Variants in SDK1 observed in about 807,000 individuals in gnomAD.
The protein encoded by SDK1 is protein sidekick-1.
A neutral mutation model predicts 245.5 loss-of-function variants in SDK1; 157 were observed. The ratio of observed to expected loss-of-function variants is 0.64; its 90% CI spans 0.56 to 0.73. SDK1 has a LOEUF of 0.73. Among genes scored for constraint, SDK1 ranks in the 30% least tolerant of loss-of-function variants. The pLI is 0.00. For synonymous variants in SDK1, 1,647 were observed against 1,278.5 expected, an observed-to-expected ratio of 1.29 and a Z score of -6.15; for missense variants, 3,583 against 3,002.3, an observed-to-expected ratio of 1.19 and a Z score of -4.52.
intron 4 of SDK1, among the ~76,000 whole-genome samples, chr7:3,712,515 A>C (rs1400028716): frequency 1.3e-5 from 2 of 152,168 alleles, no homozygotes; most frequent in Non-Finnish European, 2.9e-5. Context: ...ATCATTCCAA[A>C]ACCATCCCCC....
chr7:4,006,969 T>G (rs1279159760), intron 14 of SDK1, among the ~76,000 whole-genome samples: 1 of 152,242 alleles, frequency 6.6e-6, no homozygotes, highest in African/African-American at 2.4e-5. Flanking sequence ...GCAGTCTGAT[T>G]AATCGCCTCA....
At chr7:3,774,334 G>C (rs1780489265) in intron 4 of SDK1, among the ~76,000 whole-genome samples, 1 of 152,018 alleles carries the variant, frequency 6.6e-6, no homozygotes, top group South Asian at 2.1e-4. Context: ...TGGCCTCTTT[G>C]TCTGCACCTC....
intron 1 of SDK1, among the ~76,000 whole-genome samples, chr7:3,332,633 G>C (rs1199167602): frequency 6.6e-6 from 1 of 152,040 alleles, no homozygotes; most frequent in East Asian, 1.9e-4. Context: ...CTAGGCCCTA[G>C]AAAGGCTCTG....
At chr7:3,353,043 C>T (rs1583728168) in intron 1 of SDK1, among the ~76,000 whole-genome samples, 1 of 152,178 alleles carries the variant, frequency 6.6e-6, no homozygotes, top group African/African-American at 2.4e-5. Flanking sequence ...CCCACCGTGT[C>T]ATTAGTTCTT....
chr7:3,850,620 G>A (rs543359302), intron 5 of SDK1, among the ~76,000 whole-genome samples: 62 of 152,150 alleles, frequency 4.1e-4, no homozygotes, highest in Non-Finnish European at 8.8e-4. Context: ...ATGTCCATCA[G>A]TGATAGACTG....
At chr7:3,967,195 C>T in intron 9 of SDK1, 123 bp from the exon 10 acceptor site, 1 of 752,904 alleles carries the variant, frequency 1.3e-6, no homozygotes, top group East Asian at 2.5e-5. Flanking sequence ...AACAGTATTC[C>T]TTTTGTATTG....
chr7:4,055,679 G>A (rs967567655), intron 19 of SDK1, among the ~76,000 whole-genome samples: 9 of 151,706 alleles, frequency 5.9e-5, no homozygotes, highest in Non-Finnish European at 1.3e-4. Context: ...TGCTTTGAGT[G>A]TATTTTGCTC....
At chr7:4,054,746 T>A (rs1479958376) in intron 19 of SDK1, among the ~76,000 whole-genome samples, 2 of 152,204 alleles carry the variant, frequency 1.3e-5, no homozygotes, top group South Asian at 2.1e-4. Flanking sequence ...GTTAAGGATT[T>A]TTTTTTTTAA....
At chr7:4,232,068 A>G (rs1263513633) in intron 40 of SDK1, among the ~76,000 whole-genome samples, 3 of 144,884 alleles carry the variant, frequency 2.1e-5, no homozygotes, top group Non-Finnish European at 3.0e-5. Context: ...TTTTTTAACC[A>G]AACAGCCTCC....
At chr7:3,713,968 G>C (rs1177225927) in intron 4 of SDK1, among the ~76,000 whole-genome samples, 1 of 152,188 alleles carries the variant, frequency 6.6e-6, no homozygotes, top group Non-Finnish European at 1.5e-5. Flanking sequence ...GAGCACCTCA[G>C]ACCCTAATTC....
intron 5 of SDK1, among the ~76,000 whole-genome samples, chr7:3,901,779 A>G (rs975909059): frequency 6.6e-6 from 1 of 152,136 alleles, no homozygotes; most frequent in African/African-American, 2.4e-5. Context: ...TTGTGTGTTT[A>G]TTAGGTTAGT....
chr7:4,098,290 C>T (rs10270432), intron 22 of SDK1, among the ~76,000 whole-genome samples: 5,334 of 152,220 alleles, frequency 0.035, 187 homozygotes, highest in African/African-American at 0.091. Flanking sequence ...ATGTCATTTT[C>T]GAAAAATAGA....
intron 1 of SDK1, among the ~76,000 whole-genome samples, chr7:3,598,856 T>A (rs1307694345): frequency 7.3e-6 from 1 of 136,740 alleles, no homozygotes; most frequent in East Asian, 2.2e-4. Flanking sequence ...TGTATACCAT[T>A]CACCTTTTGA....
chr7:4,047,241 A>T (rs1160567425), intron 17 of SDK1, among the ~76,000 whole-genome samples: 1 of 152,194 alleles, frequency 6.6e-6, no homozygotes, highest in Non-Finnish European at 1.5e-5. Context: ...TCCTAAATCT[A>T]TTAAGATGTT....
intron 1 of SDK1, among the ~76,000 whole-genome samples, chr7:3,427,446 G>A (rs1779708729): frequency 6.6e-6 from 1 of 151,492 alleles, no homozygotes; most frequent in African/African-American, 2.4e-5. Context: ...TTGAACCTGG[G>A]AGAGGGAGGT....
chr7:3,616,278 G>A (rs1243974635), intron 1 of SDK1, among the ~76,000 whole-genome samples: 1 of 152,150 alleles, frequency 6.6e-6, no homozygotes, highest in African/African-American at 2.4e-5. Context: ...GATCACACAC[G>A]TTGTTAATAC....
chr7:3,530,156 C>T (rs79723016), intron 1 of SDK1, among the ~76,000 whole-genome samples: 1 of 152,038 alleles, frequency 6.6e-6, no homozygotes, highest in Admixed American at 6.6e-5. Context: ...AAAAAGGACC[C>T]ATTATATTAG....
At chr7:3,657,249 C>T (rs1399174805) in intron 4 of SDK1, among the ~76,000 whole-genome samples, 1 of 152,110 alleles carries the variant, frequency 6.6e-6, no homozygotes, top group Non-Finnish European at 1.5e-5. Flanking sequence ...TCAAGGCAGT[C>T]GTACAAAGAC....
At position 3,438,967 on chromosome 7, in the gene SDK1, C is replaced by T. The variant is rs560385863; in HGVS notation, c.298+137083C>T. ...TCCTGGGTTGAAGTGATTCTCCTGCCTCAGCCTCCCGAGTAGTTGGGATTA... is the reference window on the plus strand; with the variant it reads ...TCCTGGGTTGAAGTGATTCTCCTGCTTCAGCCTCCCGAGTAGTTGGGATTA... On this transcript the variant is annotated intron_variant, in intron 1 of 44. Transcript: ENST00000404826. Among the ~76,000 whole-genome samples, 156 of 151,570 alleles carry T rather than the reference C, an allele frequency of 1.0e-3. 1 individual carries two copies. The highest frequency in any genetic ancestry group is 1.9e-3 in the Non-Finnish European group (129 of 67,988).
Sources: gnomAD v4.1 joint callset for allele counts (sites outside exome capture counted in the v4.1 genomes callset) on GRCh38, gnomAD v4.1.1 for gene constraint, MANE v1.5 for transcripts, NCBI Gene and HGNC (gene_info 2026-07-23, HGNC 2026-07-21) for gene names.